The following ACSS3 variants were observed in gnomAD, a reference collection of about 807,000 sequenced individuals.
ACSS3 encodes acyl-CoA synthetase short chain family member 3.
A neutral mutation model predicts 84.2 loss-of-function variants in ACSS3; 64 were observed. The observed-to-expected ratio is 0.76, with a 90% CI of 0.62 to 0.94. The LOEUF is 0.94. Among genes scored for constraint, ACSS3 ranks in the 40% least tolerant of loss-of-function variants. The pLI, the probability that ACSS3 is intolerant of heterozygous loss-of-function variation, is 0.00. For synonymous variants in ACSS3, 317 were observed against 310.1 expected, an observed-to-expected ratio of 1.02 and a Z score of -0.23; for missense variants, 815 against 867.6, an observed-to-expected ratio of 0.94 and a Z score of 0.76.
chr12:81,108,359 A>G (rs924108625), intron 1 of ACSS3, among the ~76,000 whole-genome samples: 2 of 151,522 alleles, frequency 1.3e-5, no homozygotes, highest in African/African-American at 4.8e-5. Context: ...GCTCACTGCA[A>G]CCTCCACCTC....
chr12:81,079,361 T>C (rs919695221), intron 1 of ACSS3, among the ~76,000 whole-genome samples: 7 of 152,300 alleles, frequency 4.6e-5, no homozygotes, highest in African/African-American at 1.7e-4. Flanking sequence ...TGCTCTCATC[T>C]GCCAGCCATT....
At chr12:81,120,035 G>T (rs114449633) in intron 2 of ACSS3, among the ~76,000 whole-genome samples, 1 of 152,054 alleles carries the variant, frequency 6.6e-6, no homozygotes, top group East Asian at 1.9e-4. Flanking sequence ...ACACTTCACT[G>T]TGGAGGTGAT....
rs578188443 is a variant in ACSS3, at chr12:81,169,562, G to A, written c.1099-5226G>A. Among the ~76,000 whole-genome samples, 5 of 152,144 alleles carry A rather than the reference G, an allele frequency of 3.3e-5. No homozygotes were observed. In the East Asian group the frequency reaches 7.7e-4, roughly 24 times the overall value. On this transcript the variant is annotated intron_variant, in intron 7 of 15. Transcript: ENST00000548058. ...GTTTTACAATTTATCTCCCTTGAAG[G>A]TTGTCAATCTTATATGTTATGATAG...
intron 9 of ACSS3, among the ~76,000 whole-genome samples, chr12:81,214,970 C>A (rs1290507196): frequency 6.6e-6 from 1 of 152,178 alleles, no homozygotes; most frequent in Non-Finnish European, 1.5e-5. Context: ...TTCCTATTAT[C>A]ATCTTATTTG....
chr12:81,241,131 C>A (rs1459360913), intron 13 of ACSS3, among the ~76,000 whole-genome samples: 1 of 151,782 alleles, frequency 6.6e-6, no homozygotes, highest in East Asian at 1.9e-4. Flanking sequence ...TGATGATTTC[C>A]AATTTCATCC....
chr12:81,206,994 G>A (rs2032375986), intron 9 of ACSS3, among the ~76,000 whole-genome samples: 1 of 152,104 alleles, frequency 6.6e-6, no homozygotes, highest in Non-Finnish European at 1.5e-5. Flanking sequence ...GTAGAATTGT[G>A]TTTTGGAATC....
Position 81,174,820 on chromosome 12 carries a change from T to G in ACSS3, c.1131T>G (p.Ala377=), listed in dbSNP as rs138734052. ...GKPVGTPDAG[A]YFRVLAEHGV... ...CTGTGGGAACACCAGATGCTGGCGC[T>G]TATTTCCGTGTGCTTGCAGAGCATG... Residue 377 remains alanine (A), a synonymous_variant, in exon 8 of 16, where the codon GCT becomes GCG. Coordinates refer to ENST00000548058, the MANE Select transcript of ACSS3 (RefSeq NM_024560.4). 836 of 1,613,708 alleles carry G rather than the reference T, an allele frequency of 5.2e-4. 1 individual carries two copies. The highest frequency in any genetic ancestry group is 6.9e-4 in the Non-Finnish European group (810 of 1,179,840).
chr12:81,160,280 C>T (rs1302425811), intron 7 of ACSS3, among the ~76,000 whole-genome samples: 1 of 152,184 alleles, frequency 6.6e-6, no homozygotes, highest in African/African-American at 2.4e-5. Flanking sequence ...ATATGGTATA[C>T]ATCACAGCAA....
At chr12:81,131,016 T>C (rs537518865) in intron 2 of ACSS3, among the ~76,000 whole-genome samples, 10 of 152,306 alleles carry the variant, frequency 6.6e-5, no homozygotes, top group African/African-American at 2.4e-4. Context: ...TACCATGCTG[T>C]TTTGGTTACT....
intron 5 of ACSS3, among the ~76,000 whole-genome samples, chr12:81,147,343 G>A (rs546019910): frequency 1.2e-4 from 18 of 152,212 alleles, no homozygotes; most frequent in Non-Finnish European, 1.6e-4. Context: ...TGTTCACACG[G>A]GTTTATACAC....
At chr12:81,230,946 A>G (rs1047469077) in intron 11 of ACSS3, 111 bp from the exon 12 acceptor site, 6 of 843,294 alleles carry the variant, frequency 7.1e-6, no homozygotes, top group African/African-American at 3.5e-5. Context: ...TTATATTTCA[A>G]TGTAGGATTT....
In ACSS3 at chr12:81,227,716, G is replaced by T. The variant is rs116218280; in HGVS notation, c.1515-3341G>T. Among the ~76,000 whole-genome samples the T allele has an allele frequency of 2.4e-3, 363 of 151,804 alleles. 1 individual carries two copies. Among genetic ancestry groups the T allele is most frequent in the African/African-American group, 8.5e-3 (352 of 41,446 alleles). On this transcript the variant is annotated intron_variant, in intron 11 of 15. Coordinates refer to ENST00000548058, the MANE Select transcript of ACSS3 (RefSeq NM_024560.4). ...AGTTTCTGCATGTCAAATTCTTTGA[G>T]CTTACTCCTTTCTCATGTTTTCTTT... is the stretch of plus-strand genomic sequence containing the variant.
At chr12:81,116,719 C>T (rs1400667773) in intron 2 of ACSS3, among the ~76,000 whole-genome samples, 6 of 151,988 alleles carry the variant, frequency 3.9e-5, no homozygotes, top group African/African-American at 1.4e-4. Flanking sequence ...CTAATGTAGG[C>T]CTCATAGTAC....
chr12:81,160,135 G>A (rs998332045), intron 7 of ACSS3, among the ~76,000 whole-genome samples: 3 of 152,156 alleles, frequency 2.0e-5, no homozygotes, highest in African/African-American at 4.8e-5. Flanking sequence ...CCTTAAATCC[G>A]GCTTTAGAGT....
At chr12:81,156,587 C>T (rs1838895136) in intron 7 of ACSS3, among the ~76,000 whole-genome samples, 1 of 152,042 alleles carries the variant, frequency 6.6e-6, no homozygotes, top group Non-Finnish European at 1.5e-5. Flanking sequence ...ACACAAATTA[C>T]CAGTACCACA....
chr12:81,099,487 A>C (rs1366156757), intron 1 of ACSS3, among the ~76,000 whole-genome samples: 1 of 152,198 alleles, frequency 6.6e-6, no homozygotes, highest in Admixed American at 6.5e-5. Context: ...GAAGCTTTCA[A>C]CAGTTATTTC....
chr12:81,150,109 T>C (rs1486474265), intron 5 of ACSS3, among the ~76,000 whole-genome samples: 1 of 152,194 alleles, frequency 6.6e-6, no homozygotes, highest in East Asian at 1.9e-4. Context: ...TTACCTTTTA[T>C]TTCTGGTCAT....
At chr12:81,241,582 G>A (rs2033805991) in intron 13 of ACSS3, among the ~76,000 whole-genome samples, 1 of 152,150 alleles carries the variant, frequency 6.6e-6, no homozygotes, top group African/African-American at 2.4e-5. Flanking sequence ...TTCTCTGATG[G>A]CCAGTGATGG....
intron 2 of ACSS3, among the ~76,000 whole-genome samples, chr12:81,115,501 C>G (rs1180845780): frequency 6.6e-6 from 1 of 151,998 alleles, no homozygotes. Flanking sequence ...TGATATCTCG[C>G]TCTATCCCAG....
Sources: gnomAD v4.1 joint callset for allele counts (sites outside exome capture counted in the v4.1 genomes callset) on GRCh38, gnomAD v4.1.1 for gene constraint, MANE v1.5 for transcripts, NCBI Gene and HGNC (gene_info 2026-07-23, HGNC 2026-07-21) for gene names.